SLAMF1: variants seen among roughly 807,000 people sequenced by gnomAD.
The protein encoded by SLAMF1 is signaling lymphocytic activation molecule.
SLAMF1 carries 18 observed loss-of-function variants against 35.1 expected under a neutral mutation model. That is an observed-to-expected ratio of 0.51 (90% CI 0.35 to 0.76). The LOEUF (loss-of-function observed/expected upper bound fraction) is 0.76. Ranked by LOEUF, SLAMF1 falls within the 30% of genes least tolerant of loss-of-function variation. The pLI is 0.01. For missense variants in SLAMF1, 392 were observed against 413.0 expected (o/e 0.95, Z 0.44); for synonymous variants, 168 against 157.2 (o/e 1.07, Z -0.51).
At chr1:160,644,104 C>T (rs41463446) in intron 1 of SLAMF1, among the ~76,000 whole-genome samples, 17,618 of 152,232 alleles carry the variant, frequency 0.12, 1,372 homozygotes, top group Admixed American at 0.2. Context: ...ATGCCCTCTA[C>T]GTTCTTCTGT....
rs1367257146 is a variant in SLAMF1, at chr1:160,646,935, T to C, written c.11A>G (p.Lys4Arg). 6.3e-7 allele frequency: 1 copy of C among 1,598,352 alleles called. No individual in the cohort carries two copies. Among genetic ancestry groups the C allele is most frequent in the Non-Finnish European group, 8.6e-7 (1 of 1,166,634 alleles). Residue 4 changes from lysine to arginine, a missense_variant, in exon 1 of 7, where the codon AAG (lysine) becomes AGG (arginine). Transcript: ENST00000302035. Reference protein sequence around the residue: MDPKGLLSLTFVLF... With the variant: MDPRGLLSLTFVLF... The stretch of plus-strand genomic sequence containing the variant: ...CACGAAGGTCAAGGAGAGGAGCCCC[T>C]TGGGATCCATCAGCCAATGAGGAGA...
intron 2 of SLAMF1, 68 bp downstream of exon 2, chr1:160,637,123 G>T: frequency 9.7e-7 from 1 of 1,034,894 alleles, no homozygotes; most frequent in South Asian, 1.3e-5. Context: ...TTTTAAGAGA[G>T]ACCTAAATTC....
In SLAMF1 at chr1:160,609,543, C is replaced by G. The variant is rs560280606; in HGVS notation, c.*1205G>C. 5 of 152,150 alleles carry G rather than the reference C, an allele frequency of 3.3e-5. No individual in the cohort carries two copies. Among genetic ancestry groups the G allele is most frequent in the Non-Finnish European group, 7.3e-5 (5 of 68,040 alleles). 9.4% of individuals were successfully genotyped at this position (152,150 alleles called of 1,614,324 possible). On this transcript the variant is annotated 3_prime_UTR_variant, in exon 7 of 7. Coordinates refer to ENST00000302035, the MANE Select transcript of SLAMF1 (RefSeq NM_003037.5). Reference sequence around the variant, plus strand: ...ATGGTATGATAGTGGCTGTTTCTTACAGTACTTACCAAGTTTATATAAGAA... The same window carrying G: ...ATGGTATGATAGTGGCTGTTTCTTAGAGTACTTACCAAGTTTATATAAGAA...
intron 3 of SLAMF1, among the ~76,000 whole-genome samples, chr1:160,630,590 A>T (rs1660115001): frequency 6.6e-6 from 1 of 152,116 alleles, no homozygotes. Flanking sequence ...TTTCCTTTGT[A>T]TGCCCTAGGA....
intron 4 of SLAMF1, among the ~76,000 whole-genome samples, chr1:160,620,813 C>T (rs963973458): frequency 6.6e-6 from 1 of 152,226 alleles, no homozygotes; most frequent in Non-Finnish European, 1.5e-5. Flanking sequence ...ATACAGCTTA[C>T]AGACACGGGG....
Position 160,610,294 on chromosome 1 carries a change from C to T in SLAMF1, c.*454G>A. ...AGGCTTGATCAGGTCTGCAGGTTAT[C>T]ATGATCAGCTCCCAGAACAAAGTAA... On this transcript the variant is annotated 3_prime_UTR_variant, in exon 7 of 7. Transcript: ENST00000302035. 4.4e-6 allele frequency: 2 copies of T among 456,956 alleles called. No homozygotes were observed. The highest frequency in any genetic ancestry group is 3.1e-5 in the South Asian group (2 of 64,572). The allele number at this position is 456,956 out of a possible 1,614,324, so 28.3% of individuals were successfully genotyped here.
At chr1:160,638,531 T>C (rs1179030880) in intron 1 of SLAMF1, among the ~76,000 whole-genome samples, 1 of 152,204 alleles carries the variant, frequency 6.6e-6, no homozygotes, top group Non-Finnish European at 1.5e-5. Flanking sequence ...AGTTTCCTTA[T>C]ATTAAAACTA....
At chr1:160,612,422 AC>A (rs201385854) in intron 6 of SLAMF1, 65 bp downstream of exon 6, 27,608 of 946,968 alleles carry the variant, frequency 0.029, 16 homozygotes, top group South Asian at 0.05. Context: ...AAAAAAAAAA[AC>A]TTCCTCATTT....
At chr1:160,626,683 T>C (rs1313391266) in intron 3 of SLAMF1, among the ~76,000 whole-genome samples, 1 of 152,074 alleles carries the variant, frequency 6.6e-6, no homozygotes, top group African/African-American at 2.4e-5. Context: ...ACTGCAGATT[T>C]TGTGGTTTGT....
intron 5 of SLAMF1, among the ~76,000 whole-genome samples, chr1:160,617,647 A>G (rs1181644536): frequency 6.6e-6 from 1 of 152,226 alleles, no homozygotes. Flanking sequence ...CTATTTTTCT[A>G]GAAGTCAGGA....
chr1:160,614,743 G>T (rs1472064489), intron 5 of SLAMF1, among the ~76,000 whole-genome samples: 2 of 152,176 alleles, frequency 1.3e-5, no homozygotes, highest in Non-Finnish European at 2.9e-5. Flanking sequence ...ATATGTAAAA[G>T]AAGTCACCCA....
intron 3 of SLAMF1, among the ~76,000 whole-genome samples, chr1:160,626,467 TG>T (rs746793548): frequency 6.6e-5 from 10 of 152,266 alleles, no homozygotes; most frequent in African/African-American, 2.4e-4. Context: ...AAGTTGGCCA[TG>T]GTCCTGAAAG....
At chr1:160,626,160 A>C (rs908342611) in intron 3 of SLAMF1, among the ~76,000 whole-genome samples, 3 of 152,072 alleles carry the variant, frequency 2.0e-5, no homozygotes, top group Non-Finnish European at 4.4e-5. Flanking sequence ...TTCCAATTTC[A>C]CTTGAGATTA....
intron 5 of SLAMF1, among the ~76,000 whole-genome samples, chr1:160,617,795 A>G (rs1659387424): frequency 6.6e-6 from 1 of 152,138 alleles, no homozygotes; most frequent in Non-Finnish European, 1.5e-5. Context: ...TACTGAGGCC[A>G]GGCACAGTGG....
chr1:160,625,215 C>G (rs1485274846), intron 3 of SLAMF1, among the ~76,000 whole-genome samples: 1 of 152,104 alleles, frequency 6.6e-6, no homozygotes, highest in Non-Finnish European at 1.5e-5. Context: ...AGCTGAAGCC[C>G]TAGGGTTCTA....
chr1:160,623,492 T>C (rs911638016), intron 4 of SLAMF1: 4 of 398,644 alleles, frequency 1.0e-5, no homozygotes, highest in South Asian at 2.5e-4. Context: ...AGGATCAAGT[T>C]CTATCCTTAC....
chr1:160,640,652 C>G (rs144402746), intron 1 of SLAMF1, among the ~76,000 whole-genome samples: 11 of 151,932 alleles, frequency 7.2e-5, no homozygotes, highest in Admixed American at 1.3e-4. Context: ...CCAAAATACC[C>G]CGAAATCCCC....
chr1:160,613,795 G>C (rs1398695722), intron 5 of SLAMF1, among the ~76,000 whole-genome samples: 1 of 152,204 alleles, frequency 6.6e-6, no homozygotes, highest in Non-Finnish European at 1.5e-5. Context: ...AAGTATCTCA[G>C]GTTTAAACCA....
chr1:160,612,481 G>A lies in SLAMF1; in HGVS notation c.957+7C>T. 1 of 1,584,188 alleles carries A rather than the reference G, an allele frequency of 6.3e-7. No individual in the cohort carries two copies. The highest frequency in any genetic ancestry group is 1.1e-5 in the South Asian group (1 of 90,062). On this transcript the variant is annotated splice_region_variant and intron_variant, in intron 6 of 6. Transcript: ENST00000302035. ...CTCTACGGAGAGTAGGCAGAGAGATGCCTCACCTGGACAGACTCTGGGACA... is the reference window on the plus strand; with the variant it reads ...CTCTACGGAGAGTAGGCAGAGAGATACCTCACCTGGACAGACTCTGGGACA...
Sources: gnomAD v4.1 joint callset for allele counts (sites outside exome capture counted in the v4.1 genomes callset) on GRCh38, gnomAD v4.1.1 for gene constraint, MANE v1.5 for transcripts, NCBI Gene and HGNC (gene_info 2026-07-23, HGNC 2026-07-21) for gene names.